SNAPC5: variants seen among roughly 807,000 people sequenced by gnomAD.
SNAPC5 encodes small nuclear RNA activating complex polypeptide 5.
Under a neutral mutation model 9.1 loss-of-function variants are expected in SNAPC5, and 12 were observed. The ratio of observed to expected loss-of-function variants is 1.32; its 90% confidence interval spans 0.85 to 2.15. The LOEUF (loss-of-function observed/expected upper bound fraction) is 2.15, where lower values mean the gene tolerates loss of function less well. SNAPC5 is among the 30% of genes most tolerant of loss of function. The pLI is 0.00. For missense variants in SNAPC5, 132 were observed against 114.4 expected (o/e 1.15, Z -0.70); for synonymous variants, 52 against 47.3 (o/e 1.10, Z -0.41).
chr15:66,491,522 T>TAA, downstream of SNAPC5: 1 of 184,088 alleles, frequency 5.4e-6, no homozygotes, highest in Non-Finnish European at 1.1e-5. Context: ...TACTATGAAA[T>TAA]AAAAAAAAAA....
chr15:66,495,807 C>G (rs1453665748), intron 1 of SNAPC5, among the ~76,000 whole-genome samples: 1 of 152,228 alleles, frequency 6.6e-6, no homozygotes, highest in East Asian at 1.9e-4. Flanking sequence ...GAATAGAAAA[C>G]AGAGGTGTTT....
intron 1 of SNAPC5, among the ~76,000 whole-genome samples, 184 bp from the exon 2 acceptor site, chr15:66,495,603 TAAAG>T (rs954701319): frequency 2.6e-5 from 4 of 152,096 alleles, no homozygotes; most frequent in Non-Finnish European, 4.4e-5. Context: ...AGGAGATGAG[TAAAG>T]AAAGACTCTA....
At chr15:66,490,694 T>G (rs777889018), downstream of SNAPC5, 4 of 989,458 alleles carry the variant, frequency 4.0e-6, no homozygotes, top group Admixed American at 5.2e-5. Context: ...CCCATGCCTG[T>G]CTCTGTTCAG....
Position 66,494,627 on chromosome 15 carries a change from T to TA in SNAPC5, c.181-76dup. The TA allele has an allele frequency of 2.9e-6, 3 of 1,021,202 alleles. No homozygotes were observed. The South Asian group carries it at 4.0e-5, about 14-fold the overall frequency. The allele number at this position is 1,021,202 out of a possible 1,614,324, so 63.3% of individuals were successfully genotyped here. A position where few individuals can be genotyped will look rare whatever the true frequency, so the allele number is the denominator to read the frequency against. ...AAACAGCAAATTCTTAAAAATGACTTAAAATCAGATCTCAATTGCATATCT... is the reference window on the plus strand; with the variant it reads ...AAACAGCAAATTCTTAAAAATGACTTAAAAATCAGATCTCAATTGCATATCT... On this transcript the variant is annotated intron_variant, in intron 2 of 2. Coordinates refer to ENST00000316634, the MANE Select transcript of SNAPC5 (RefSeq NM_001329615.2).
At position 66,494,171 on chromosome 15, in the gene SNAPC5, T is replaced by G. The variant is rs148708323; in HGVS notation, c.*265A>C. 999 of 339,362 alleles carry G rather than the reference T, an allele frequency of 2.9e-3. 9 individuals carry two copies. The highest frequency in any genetic ancestry group is 0.02 in the African/African-American group (923 of 46,582). 21.0% of individuals were successfully genotyped at this position (339,362 alleles called of 1,614,324 possible). A position where few individuals can be genotyped will look rare whatever the true frequency, so the allele number is the denominator to read the frequency against. ...CAGAGGAAATTTTGTTCTGAACAGT[T>G]AACTGAATCTGACCAGATTACAGAC... On this transcript the variant is annotated 3_prime_UTR_variant, in exon 3 of 3. Transcript: ENST00000316634.
Position 66,497,653 on chromosome 15 carries a change from T to C in SNAPC5, c.79A>G (p.Asn27Asp). 1 of 1,614,034 alleles carries C rather than the reference T, an allele frequency of 6.2e-7. No homozygotes were observed. The highest frequency in any genetic ancestry group is 8.5e-7 in the Non-Finnish European group (1 of 1,179,960). ...GGCCGCGGGGTCACCTTGAGGCGGT[T>C]CAGCTGGTCGTGCAGGGCTGCCTTC... ...RLKAALHDQL[N>D]RLKVEELALQ... Residue 27 changes from asparagine (N) to aspartate (D), a missense_variant, in exon 1 of 3, where the codon AAC becomes GAC. Coordinates refer to ENST00000316634, the MANE Select transcript of SNAPC5 (RefSeq NM_001329615.2).
At chr15:66,495,134 A>T (rs900833165) in intron 2 of SNAPC5, 196 bp downstream of exon 2, 6 of 594,054 alleles carry the variant, frequency 1.0e-5, no homozygotes, top group African/African-American at 1.9e-5. Context: ...TACTTAATTA[A>T]TTAGTGTATA....
downstream of SNAPC5, chr15:66,491,259 ATATT>A (rs1388068295): frequency 8.4e-6 from 2 of 237,370 alleles, no homozygotes; most frequent in African/African-American, 4.4e-5. Context: ...TTGTATTTCT[ATATT>A]TATTTTCAGT....
chr15:66,494,267 C>G lies in SNAPC5; in HGVS notation c.*169G>C. 1 of 639,572 alleles carries G rather than the reference C, an allele frequency of 1.6e-6. No individual in the cohort carries two copies. The highest frequency in any genetic ancestry group is 2.8e-6 in the Non-Finnish European group (1 of 355,838). 39.6% of individuals were successfully genotyped at this position (639,572 alleles called of 1,614,324 possible). On this transcript the variant is annotated 3_prime_UTR_variant, in exon 3 of 3. Transcript: ENST00000316634. Reference sequence around the variant, plus strand: ...TTCTGTATGTCATAACATTCTGAAGCTTGAGTTACCGATGGAGCCATTTTT... The same window carrying G: ...TTCTGTATGTCATAACATTCTGAAGGTTGAGTTACCGATGGAGCCATTTTT...
chr15:66,495,750 C>A lies in SNAPC5; in HGVS notation c.91-331G>T, dbSNP rs956175256. ...TCTGATTCCTCAGAGAGAGAGATTC[C>A]CTGGACCTGAGGCTGTTACTCAGTA... On this transcript the variant is annotated intron_variant, in intron 1 of 2. Coordinates refer to ENST00000316634, the MANE Select transcript of SNAPC5 (RefSeq NM_001329615.2). Among the ~76,000 whole-genome samples, 10 of 152,034 alleles carry A rather than the reference C, an allele frequency of 6.6e-5. No homozygotes were observed. The East Asian group carries it at 1.7e-3, about 26-fold the overall frequency.
chr15:66,491,903 T>C, downstream of SNAPC5: 2 of 450,566 alleles, frequency 4.4e-6, no homozygotes, highest in Non-Finnish European at 8.9e-6. Flanking sequence ...CACAGAACAT[T>C]TCTCATTTTC....
chr15:66,489,999 G>T (rs945416109), downstream of SNAPC5: 1 of 599,520 alleles, frequency 1.7e-6, no homozygotes, highest in Admixed American at 2.9e-5. Flanking sequence ...GCCTGAGGGG[G>T]CCATGGGAAA....
At chr15:66,489,770 CTATT>C (rs397516788), downstream of SNAPC5, 4,767 of 1,610,934 alleles carry the variant, frequency 3.0e-3, 9 homozygotes, top group Non-Finnish European at 3.6e-3. Flanking sequence ...CATGGTGAGT[CTATT>C]TATTCCGGAT....
At chr15:66,495,148 A>G (rs1261724468) in intron 2 of SNAPC5, 182 bp downstream of exon 2, 1 of 628,186 alleles carries the variant, frequency 1.6e-6, no homozygotes, top group East Asian at 2.8e-5. Context: ...GTGTATAACT[A>G]GCTGGTAGGA....
At chr15:66,489,937 G>A (rs1893188402), downstream of SNAPC5, 1 of 695,390 alleles carries the variant, frequency 1.4e-6, no homozygotes, top group Non-Finnish European at 2.6e-6. Context: ...ATCAGTTTAA[G>A]GGAAAGCTGG....
chr15:66,496,630 C>T (rs1173768634), intron 1 of SNAPC5, among the ~76,000 whole-genome samples: 1 of 151,728 alleles, frequency 6.6e-6, no homozygotes. Context: ...CTTTGGCCAT[C>T]CTCCCACCTC....
At chr15:66,496,414 A>T (rs954174769) in intron 1 of SNAPC5, among the ~76,000 whole-genome samples, 7 of 152,076 alleles carry the variant, frequency 4.6e-5, no homozygotes, top group Non-Finnish European at 7.4e-5. Flanking sequence ...GCAGTGAGCC[A>T]AGATTGCGCC....
At chr15:66,497,351 G>A (rs755632358) in intron 1 of SNAPC5, 10 of 546,136 alleles carry the variant, frequency 1.8e-5, no homozygotes, top group Admixed American at 3.2e-5. Flanking sequence ...TGAGGGCGAT[G>A]AACATTTACA....
chr15:66,491,624 G>A, downstream of SNAPC5: 1 of 204,998 alleles, frequency 4.9e-6, no homozygotes, highest in South Asian at 9.2e-5. Flanking sequence ...TGGTGAGGGG[G>A]AAAGGTGAAG....
Sources: gnomAD v4.1 joint callset for allele counts (sites outside exome capture counted in the v4.1 genomes callset) on GRCh38, gnomAD v4.1.1 for gene constraint, MANE v1.5 for transcripts, NCBI Gene and HGNC (gene_info 2026-07-23, HGNC 2026-07-21) for gene names.